The following DMD variants were observed in gnomAD, a reference collection of about 807,000 sequenced individuals.
DMD encodes dystrophin.
In DMD, 63 loss-of-function variants were observed where a neutral mutation model predicts 330.1. That is an observed-to-expected ratio of 0.19 (90% CI 0.16 to 0.24). DMD has a LOEUF of 0.24. Among genes scored for constraint, DMD ranks in the 10% least tolerant of loss-of-function variants. The pLI, the probability that DMD is intolerant of heterozygous loss-of-function variation, is 1.00. For missense variants in DMD, 3,344 were observed against 2,684.1 expected, an observed-to-expected ratio of 1.25 and a Z score of -5.43; for synonymous variants, 1,223 against 959.8, an observed-to-expected ratio of 1.27 and a Z score of -5.07.
At chrX:31,943,906 AGAGAGAGAGAGAGAGAGAGAG>A (rs1337808061) in intron 45 of DMD, among the ~76,000 whole-genome samples, 7 of 107,118 alleles carry the variant, frequency 6.5e-5, no homozygotes, top group African/African-American at 2.4e-4. Context: ...AGAGAGAGAG[AGAGAGAGAGAGAGAGAGAGAG>A]AAAAGGGAAC....
Position 31,678,402 on chromosome X carries a change from C to A in DMD, c.7872+973G>T, listed in dbSNP as rs1044434094. Among the ~76,000 whole-genome samples, 9 of 112,010 alleles carry A rather than the reference C, an allele frequency of 8.0e-5. No individual in the cohort carries two copies. The Admixed American group carries it at 8.5e-4, about 11-fold the overall frequency. ...TGCTCAAAATACCCTAAAGCTTAAC[C>A]ATTGTTTAACATTTAAGGGCTTTTC... On this transcript the variant is annotated intron_variant, in intron 53 of 78. Transcript: ENST00000357033.
intron 1 of DMD, among the ~76,000 whole-genome samples, chrX:33,231,933 G>T (rs2052395081): frequency 1.8e-5 from 2 of 111,234 alleles, no homozygotes; most frequent in Non-Finnish European, 3.8e-5. Flanking sequence ...CTCGGCAAGG[G>T]AGCTAAGGAA....
intron 7 of DMD, among the ~76,000 whole-genome samples, chrX:32,793,326 T>C (rs1169424408): frequency 3.7e-5 from 4 of 109,360 alleles, no homozygotes; most frequent in Non-Finnish European, 5.7e-5. Context: ...AATGCTCACA[T>C]CAAAAATGTT....
At chrX:31,858,561 C>A (rs985657058) in intron 48 of DMD, among the ~76,000 whole-genome samples, 1 of 101,474 alleles carries the variant, frequency 9.9e-6, no homozygotes, top group African/African-American at 3.7e-5. Context: ...AAAATAGATA[C>A]TTCTCCTAAT....
intron 20 of DMD, among the ~76,000 whole-genome samples, chrX:32,486,696 G>A (rs750801148): frequency 1.9e-3 from 201 of 105,423 alleles, no homozygotes; most frequent in African/African-American, 6.2e-3. Flanking sequence ...AAATAACGCC[G>A]CATACCTACA....
intron 62 of DMD, among the ~76,000 whole-genome samples, chrX:31,276,399 G>A (rs979617860): frequency 1.8e-5 from 2 of 111,789 alleles, no homozygotes; most frequent in African/African-American, 6.5e-5. Flanking sequence ...ATGTGGTTAT[G>A]AAAATTTTGC....
chrX:32,327,449 T>A (rs3788899), intron 41 of DMD, among the ~76,000 whole-genome samples: 2 of 109,388 alleles, frequency 1.8e-5, no homozygotes, highest in South Asian at 4.0e-4. Flanking sequence ...AAAGTGCCAC[T>A]GTGTGTATAG....
chrX:32,686,559 C>CAAAAAAAAAAAAAAAA (rs750534167), intron 9 of DMD, among the ~76,000 whole-genome samples: 58 of 28,513 alleles, frequency 2.0e-3, no homozygotes, highest in Middle Eastern at 0.043. Context: ...AACTCCATCT[C>CAAAAAAAAAAAAAAAA]AAAAAAAAAA....
At chrX:32,838,259 T>C (rs2079834339) in intron 4 of DMD, among the ~76,000 whole-genome samples, 1 of 111,728 alleles carries the variant, frequency 9.0e-6, no homozygotes, top group Non-Finnish European at 1.9e-5. Flanking sequence ...TTTCCTGTTT[T>C]ATATTTTTTA....
chrX:32,924,830 C>T (rs998800371), intron 2 of DMD, among the ~76,000 whole-genome samples: 1 of 111,405 alleles, frequency 9.0e-6, no homozygotes, highest in African/African-American at 3.3e-5. Flanking sequence ...TTACTGTACA[C>T]ACTGAAGTAC....
At chrX:32,682,460 A>G (rs1351391333) in intron 9 of DMD, among the ~76,000 whole-genome samples, 1 of 111,745 alleles carries the variant, frequency 8.9e-6, no homozygotes, top group Non-Finnish European at 1.9e-5. Context: ...ACTATCCCCC[A>G]AAGCCTTTTA....
At chrX:31,938,782 G>T (rs1232327242) in intron 45 of DMD, among the ~76,000 whole-genome samples, 1 of 112,016 alleles carries the variant, frequency 8.9e-6, no homozygotes, top group Non-Finnish European at 1.9e-5. Context: ...ATGTCCATGA[G>T]CTACACCATG....
chrX:32,134,783 G>A (rs981447537), intron 44 of DMD, among the ~76,000 whole-genome samples: 3 of 111,266 alleles, frequency 2.7e-5, no homozygotes, highest in African/African-American at 9.8e-5. Context: ...GATAAATGAG[G>A]TATACTTTGA....
intron 63 of DMD, among the ~76,000 whole-genome samples, chrX:31,245,941 C>T (rs150824443): frequency 8.9e-5 from 10 of 111,848 alleles, no homozygotes; most frequent in Admixed American, 1.9e-4. Context: ...ATACCTCTGT[C>T]ACTTTACATC....
At position 31,641,577 on chromosome X, in the gene DMD, TAAC is replaced by T. The variant is rs368132787; in HGVS notation, c.8028-13718_8028-13716del. On this transcript the variant is annotated intron_variant, in intron 54 of 78. Transcript: ENST00000357033. ...AGGCGCACTGGGGAAATGACAGAAATAACAACTCAGAGAAAAGTGAGTAAGTGC... is the reference window on the plus strand; with the variant it reads ...AGGCGCACTGGGGAAATGACAGAAATAACTCAGAGAAAAGTGAGTAAGTGC... Among the ~76,000 whole-genome samples, 748 of 102,997 alleles carry T rather than the reference TAAC, an allele frequency of 7.3e-3. 8 individuals are homozygous for T. The highest frequency in any genetic ancestry group is 0.025 in the African/African-American group (704 of 28,020). 89.4% of individuals were successfully genotyped at this position (102,997 alleles called of 115,157 possible).
chrX:31,721,175 A>G (rs987981745), intron 52 of DMD, among the ~76,000 whole-genome samples: 6 of 111,629 alleles, frequency 5.4e-5, no homozygotes, highest in Non-Finnish European at 1.1e-4. Context: ...AAGAACCACG[A>G]GATTTATATG....
At chrX:32,573,508 T>C (rs369979369) in intron 15 of DMD, 22 bp downstream of exon 15, 93 of 1,155,690 alleles carry the variant, frequency 8.0e-5, no homozygotes, top group African/African-American at 7.9e-4. Flanking sequence ...TATAAGACCA[T>C]TGAAAGCTAG....
At chrX:32,478,771 G>A (rs1252748669) in intron 21 of DMD, among the ~76,000 whole-genome samples, 1 of 111,478 alleles carries the variant, frequency 9.0e-6, no homozygotes, top group Non-Finnish European at 1.9e-5. Context: ...TTGCTCTGCT[G>A]AAAGTCGCTG....
At chrX:31,860,712 CAA>C (rs976097694) in intron 48 of DMD, among the ~76,000 whole-genome samples, 2 of 112,112 alleles carry the variant, frequency 1.8e-5, no homozygotes, top group Admixed American at 1.9e-4. Context: ...AAATGCAATG[CAA>C]AGAGAAGCCA....
Sources: gnomAD v4.1 joint callset for allele counts (sites outside exome capture counted in the v4.1 genomes callset) on GRCh38, gnomAD v4.1.1 for gene constraint, MANE v1.5 for transcripts, NCBI Gene and HGNC (gene_info 2026-07-23, HGNC 2026-07-21) for gene names.